Variants in GALNT2 observed in about 807,000 individuals in gnomAD.
GALNT2 encodes polypeptide N-acetylgalactosaminyltransferase 2.
Under a neutral mutation model 81.4 loss-of-function variants are expected in GALNT2, and 31 were observed. That is an observed-to-expected ratio of 0.38 (90% CI 0.29 to 0.51). The LOEUF (loss-of-function observed/expected upper bound fraction) is 0.51. Ranked by LOEUF, GALNT2 falls within the 20% of genes least tolerant of loss-of-function variation. GALNT2 has a pLI of 0.87. For synonymous variants in GALNT2, 303 were observed against 287.4 expected (o/e 1.05, Z -0.55); for missense variants, 629 against 765.7 (o/e 0.82, Z 2.11).
At chr1:230,112,387 G>GA (rs1660729259) in intron 1 of GALNT2, among the ~76,000 whole-genome samples, 6 of 150,668 alleles carry the variant, frequency 4.0e-5, no homozygotes, top group Admixed American at 3.9e-4. Flanking sequence ...CGGGGGAGGG[G>GA]GGGGGCCTGC....
intron 6 of GALNT2, 23 bp downstream of exon 6, chr1:230,236,748 G>A (rs753114731): frequency 1.1e-5 from 17 of 1,597,544 alleles, no homozygotes; most frequent in African/African-American, 9.5e-5. Context: ...TTAATTCAGC[G>A]CCAAGACAGT....
rs111227837 is a variant in GALNT2 at position 230,238,168 on chromosome 1, G to A, written c.607+1443G>A. On this transcript the variant is annotated intron_variant, in intron 6 of 15. Transcript: ENST00000366672. ...CTCATGTATATATGTACCCATGTGT[G>A]TGTATAAGATCCCATCTATGTAAGC... Among the ~76,000 whole-genome samples the A allele has an allele frequency of 9.0e-3, 1,371 of 152,302 alleles. 16 individuals are homozygous for A. Among genetic ancestry groups the A allele is most frequent in the African/African-American group, 0.03 (1,256 of 41,548 alleles).
At chr1:230,239,395 G>T (rs1241604753) in intron 6 of GALNT2, among the ~76,000 whole-genome samples, 1 of 152,192 alleles carries the variant, frequency 6.6e-6, no homozygotes, top group African/African-American at 2.4e-5. Flanking sequence ...AGGGAAGCCA[G>T]TCCAAGTCCC....
rs1219225515 is a variant in GALNT2, at chr1:230,265,228, C to G, written c.1314-13C>G. ...TGTGCAGTGAAGCAGGTGATTCTCA[C>G]GTTGTTTTTCAGGGTTCCAGACCAT... is the stretch of plus-strand genomic sequence containing the variant. On this transcript the variant is annotated splice_polypyrimidine_tract_variant and intron_variant, in intron 13 of 15. Transcript: ENST00000366672. 2.5e-6 allele frequency: 4 copies of G among 1,614,002 alleles called. No individual in the cohort carries two copies. The African/African-American group carries it at 5.3e-5, about 22-fold the overall frequency.
intron 1 of GALNT2, among the ~76,000 whole-genome samples, chr1:230,171,998 G>A (rs1662809548): frequency 6.6e-6 from 1 of 151,874 alleles, no homozygotes; most frequent in Non-Finnish European, 1.5e-5. Flanking sequence ...ATTGATAAAT[G>A]TAGTGGTTTT....
Position 230,279,821 on chromosome 1 carries a change from CG to C in GALNT2, c.*366del, listed in dbSNP as rs1362169902. 1 of 479,868 alleles carries C rather than the reference CG, an allele frequency of 2.1e-6. No homozygotes were observed. The highest frequency in any genetic ancestry group is 2.0e-5 in the African/African-American group (1 of 51,096). The allele number at this position is 479,868 out of a possible 1,614,324, so 29.7% of individuals were successfully genotyped here. A position where few individuals can be genotyped will look rare whatever the true frequency, so the allele number is the denominator to read the frequency against. On this transcript the variant is annotated 3_prime_UTR_variant, in exon 16 of 16. Coordinates refer to ENST00000366672, the MANE Select transcript of GALNT2 (RefSeq NM_004481.5). The surrounding 1 kb of genome is among the most constrained non-coding windows in gnomAD (Gnocchi z 4.6). ...GGATGCGTGCGAGCTGAGGACAGGG[CG>C]GGAGGAGGGGGCACACATGCCCCAG...
intron 1 of GALNT2, among the ~76,000 whole-genome samples, chr1:230,154,896 T>C (rs1161351833): frequency 1.3e-5 from 2 of 152,236 alleles, no homozygotes; most frequent in Non-Finnish European, 2.9e-5. Flanking sequence ...AGGTTATTTA[T>C]AACTCACCTT....
intron 2 of GALNT2, among the ~76,000 whole-genome samples, chr1:230,192,468 T>C (rs1663559160): frequency 6.6e-6 from 1 of 152,202 alleles, no homozygotes; most frequent in Non-Finnish European, 1.5e-5. Flanking sequence ...GGCAGTAGAT[T>C]CACTTTGATA....
intron 1 of GALNT2, among the ~76,000 whole-genome samples, chr1:230,100,822 T>C (rs934238953): frequency 1.3e-5 from 2 of 151,934 alleles, no homozygotes; most frequent in African/African-American, 4.8e-5. Flanking sequence ...CATGTGTACA[T>C]GTACATATAA....
At chr1:230,254,485 T>C (rs1665646026) in intron 10 of GALNT2, among the ~76,000 whole-genome samples, 1 of 152,216 alleles carries the variant, frequency 6.6e-6, no homozygotes, top group South Asian at 2.1e-4. Context: ...GTTACTTGAC[T>C]GTCCTTGGTC....
At chr1:230,133,757 A>T (rs1661445990) in intron 1 of GALNT2, among the ~76,000 whole-genome samples, 1 of 152,046 alleles carries the variant, frequency 6.6e-6, no homozygotes, top group Admixed American at 6.6e-5. Context: ...CCTGGCCTTA[A>T]TTTTGATTTC....
At chr1:230,246,175 G>C (rs1334120749) in intron 8 of GALNT2, 25 bp downstream of exon 8, 1 of 1,551,484 alleles carries the variant, frequency 6.4e-7, no homozygotes, top group South Asian at 1.1e-5. Context: ...TGGTGCCCCT[G>C]CCTAGCTCGT....
At chr1:230,103,008 G>A (rs1245151674) in intron 1 of GALNT2, among the ~76,000 whole-genome samples, 1 of 152,186 alleles carries the variant, frequency 6.6e-6, no homozygotes, top group East Asian at 1.9e-4. Flanking sequence ...GGTTAAGCCC[G>A]AGGTCCATTG....
chr1:230,174,983 G>A (rs916463871), intron 1 of GALNT2, among the ~76,000 whole-genome samples: 2 of 152,180 alleles, frequency 1.3e-5, no homozygotes, highest in Non-Finnish European at 1.5e-5. Flanking sequence ...CCTCTGGGCC[G>A]TTGTTCCCCA....
At chr1:230,255,525 TC>T in intron 11 of GALNT2, 181 bp downstream of exon 11, 1 of 726,054 alleles carries the variant, frequency 1.4e-6, no homozygotes, top group Non-Finnish European at 2.3e-6. Flanking sequence ...TGGGCGCCTT[TC>T]CAGGGCATGA....
intron 1 of GALNT2, among the ~76,000 whole-genome samples, chr1:230,165,234 T>C (rs1179569999): frequency 6.6e-6 from 1 of 152,212 alleles, no homozygotes; most frequent in African/African-American, 2.4e-5. Context: ...CAGATTTTTA[T>C]ATAGTTGTTT....
rs949092593 is a variant in GALNT2 at position 230,203,199 on chromosome 1, G to A, written c.283G>A (p.Gly95Arg). ...AYVGGTMVRS[G>R]QDPYARNKFN... Reference sequence around the variant, plus strand: ...TGTTGGAGGGACGATGGTCCGCTCCGGGCAGGACCCTTACGCCCGCAACAA... The same window carrying A: ...TGTTGGAGGGACGATGGTCCGCTCCAGGCAGGACCCTTACGCCCGCAACAA... The change falls in exon 3 of 16, where the codon GGG (glycine) becomes AGG (arginine). Residue 95 changes from glycine to arginine, a missense_variant. Physicochemically the swap from Gly to Arg is moderately radical, Grantham distance 125 (BLOSUM62 -2). This residue lies in a region of GALNT2 where 360 missense variants were observed against 492.8 expected (regional missense o/e 0.73). Transcript: ENST00000366672. The A allele has an allele frequency of 1.2e-5, 20 of 1,614,106 alleles. No individual in the cohort carries two copies. Among genetic ancestry groups the A allele is most frequent in the East Asian group, 2.2e-5 (1 of 44,882 alleles).
intron 2 of GALNT2, among the ~76,000 whole-genome samples, chr1:230,200,701 A>G (rs1187355222): frequency 6.6e-6 from 1 of 152,206 alleles, no homozygotes; most frequent in Non-Finnish European, 1.5e-5. Flanking sequence ...ACACAGGCCC[A>G]CACCAACCAG....
intron 3 of GALNT2, among the ~76,000 whole-genome samples, chr1:230,228,963 T>C (rs912757765): frequency 1.3e-5 from 2 of 152,218 alleles, no homozygotes; most frequent in African/African-American, 4.8e-5. Context: ...TACATAATCC[T>C]TCAATATTTA....
Sources: allele counts gnomAD v4.1 joint callset (sites outside exome capture counted in the v4.1 genomes callset), GRCh38; gene constraint gnomAD v4.1.1; regional missense constraint gnomAD v4.1.1; non-coding constraint Gnocchi (gnomAD v3.1); transcripts MANE v1.5; gene names NCBI Gene and HGNC (gene_info 2026-07-23, HGNC 2026-07-21).